Variants in GALNT13 observed in about 807,000 individuals in gnomAD.
GALNT13 encodes UDP-GalNAc:polypeptide N-acetylgalactosaminyltransferase 13.
A neutral mutation model predicts 64.2 loss-of-function variants in GALNT13; 28 were observed. That is an observed-to-expected ratio of 0.44 (90% CI 0.32 to 0.60). GALNT13 has a LOEUF of 0.60. Ranked by LOEUF, GALNT13 falls within the 20% of genes least tolerant of loss-of-function variation. The pLI is 0.05. For synonymous variants in GALNT13, 214 were observed against 224.6 expected (o/e 0.95, Z 0.42); for missense variants, 577 against 669.8 (o/e 0.86, Z 1.53).
At chr2:154,225,755 A>T (rs1688585329) in intron 4 of GALNT13, among the ~76,000 whole-genome samples, 1 of 152,068 alleles carries the variant, frequency 6.6e-6, no homozygotes. Flanking sequence ...GTCCATTTTT[A>T]TGCTTAGATT....
intron 3 of GALNT13, among the ~76,000 whole-genome samples, chr2:153,948,539 T>C (rs1338978677): frequency 6.6e-6 from 1 of 152,138 alleles, no homozygotes; most frequent in Non-Finnish European, 1.5e-5. Flanking sequence ...TGTTCTATTA[T>C]AAAGAGACAT....
At chr2:154,019,636 A>G (rs1309839596) in intron 3 of GALNT13, among the ~76,000 whole-genome samples, 2 of 149,370 alleles carry the variant, frequency 1.3e-5, no homozygotes, top group African/African-American at 2.4e-5. Context: ...ACACACACAC[A>G]CACACACACA....
chr2:153,214,007 T>C, the GALNT13 span, among the ~76,000 whole-genome samples: 8 of 152,216 alleles, frequency 5.3e-5, no homozygotes, highest in Non-Finnish European at 7.3e-5. Context: ...ACAAAAGGAA[T>C]GTACCTGTTT....
At chr2:153,449,348 A>G in the GALNT13 span, among the ~76,000 whole-genome samples, 1 of 152,228 alleles carries the variant, frequency 6.6e-6, no homozygotes, top group South Asian at 2.1e-4. Flanking sequence ...TTCCTTCTGC[A>G]TCCTGTGTTG....
chr2:154,180,072 A>G (rs1032513099), intron 4 of GALNT13, among the ~76,000 whole-genome samples: 4 of 152,284 alleles, frequency 2.6e-5, no homozygotes, highest in Non-Finnish European at 5.9e-5. Flanking sequence ...ATGAATACCA[A>G]TTTATGAAGG....
the GALNT13 span, among the ~76,000 whole-genome samples, chr2:153,327,897 C>T: frequency 6.6e-6 from 1 of 152,106 alleles, no homozygotes; most frequent in Non-Finnish European, 1.5e-5. Context: ...AAATTTTCAG[C>T]CTTTTTGCAC....
chr2:153,236,470 A>C, the GALNT13 span, among the ~76,000 whole-genome samples: 2,318 of 152,232 alleles, frequency 0.015, 57 homozygotes, highest in African/African-American at 0.053. Context: ...GGGCTAATGC[A>C]GCTGGTGACT....
At chr2:154,398,857 C>T (rs921731987) in intron 10 of GALNT13, among the ~76,000 whole-genome samples, 1 of 152,170 alleles carries the variant, frequency 6.6e-6, no homozygotes, top group Admixed American at 6.5e-5. Flanking sequence ...ATTTCCTATG[C>T]CAACAGTTAT....
At chr2:153,402,296 T>C in the GALNT13 span, among the ~76,000 whole-genome samples, 4 of 152,032 alleles carry the variant, frequency 2.6e-5, no homozygotes, top group African/African-American at 4.8e-5. Flanking sequence ...CCGAGAGATC[T>C]GCTGTTAGTC....
At chr2:153,812,003 C>T in the GALNT13 span, among the ~76,000 whole-genome samples, 1 of 152,158 alleles carries the variant, frequency 6.6e-6, no homozygotes, top group African/African-American at 2.4e-5. Context: ...TGTTTGCATT[C>T]CTTTAGCCAT....
At chr2:153,486,347 A>C in the GALNT13 span, among the ~76,000 whole-genome samples, 8 of 152,340 alleles carry the variant, frequency 5.3e-5, no homozygotes, top group East Asian at 1.2e-3. Context: ...ACTCAAAATT[A>C]TTATGTAATA....
chr2:153,273,467 A>G, the GALNT13 span, among the ~76,000 whole-genome samples: 7 of 152,300 alleles, frequency 4.6e-5, no homozygotes, highest in East Asian at 1.9e-4. Context: ...CTTACCCGGT[A>G]CTTATAACTT....
At chr2:153,909,157 T>G (rs963562135) in intron 2 of GALNT13, among the ~76,000 whole-genome samples, 1 of 152,110 alleles carries the variant, frequency 6.6e-6, no homozygotes, top group Non-Finnish European at 1.5e-5. Context: ...TTGTCACAGT[T>G]GTGAATGGGA....
chr2:153,478,427 CCGGGCCTCCCTCCGCGAAGCCGTCGT>C, the GALNT13 span: 1 of 1,614,058 alleles, frequency 6.2e-7, no homozygotes, highest in Non-Finnish European at 8.5e-7. Context: ...CTACGCTCGT[CCGGGCCTCCCTCCGCGAAGCCGTCGT>C]CGGTCACCAC....
At chr2:153,400,560 T>C in the GALNT13 span, among the ~76,000 whole-genome samples, 1 of 152,144 alleles carries the variant, frequency 6.6e-6, no homozygotes, top group Non-Finnish European at 1.5e-5. Flanking sequence ...GGTCCTGGAC[T>C]CTTTTTGGTT....
At chr2:153,814,610 C>T in the GALNT13 span, among the ~76,000 whole-genome samples, 26 of 152,272 alleles carry the variant, frequency 1.7e-4, no homozygotes, top group African/African-American at 5.5e-4. Flanking sequence ...AGTTGTAGGA[C>T]GGGAGCTACC....
chr2:153,832,951 T>C, the GALNT13 span, among the ~76,000 whole-genome samples: 1 of 152,200 alleles, frequency 6.6e-6, no homozygotes, highest in African/African-American at 2.4e-5. Context: ...TTGCTTTCCA[T>C]GGCTTCAATT....
At chr2:153,884,604 C>A (rs930109724) in intron 1 of GALNT13, among the ~76,000 whole-genome samples, 2 of 151,228 alleles carry the variant, frequency 1.3e-5, no homozygotes, top group South Asian at 2.1e-4. Flanking sequence ...TATAACATGT[C>A]ATTTAAGTTC....
chr2:153,436,665 G>A, the GALNT13 span, among the ~76,000 whole-genome samples: 120 of 152,098 alleles, frequency 7.9e-4, 1 homozygote, highest in South Asian at 4.6e-3. Flanking sequence ...CTGTGGGATC[G>A]GTGGTGATAT....
Sources: gnomAD v4.1 joint callset for allele counts (sites outside exome capture counted in the v4.1 genomes callset) on GRCh38, gnomAD v4.1.1 for gene constraint, MANE v1.5 for transcripts, NCBI Gene and HGNC (gene_info 2026-07-23, HGNC 2026-07-21) for gene names.